Variants in CYP11A1 observed in about 807,000 individuals in gnomAD.
CYP11A1 encodes the protein cholesterol side-chain cleavage enzyme, mitochondrial.
Under a neutral mutation model 51.9 loss-of-function variants are expected in CYP11A1, and 25 were observed. That is an observed-to-expected ratio of 0.48 (90% confidence interval 0.35 to 0.67). The LOEUF is 0.67. Ranked by LOEUF, CYP11A1 falls within the 30% of genes least tolerant of loss-of-function variation. The probability of loss-of-function intolerance (pLI) is 0.00; values close to 1 mark genes in which losing one functional copy is unlikely to be tolerated. For missense variants in CYP11A1, 578 were observed against 680.9 expected (o/e 0.85, Z 1.68); for synonymous variants, 245 against 262.1 (o/e 0.93, Z 0.63).
rs1291896377 is a variant in CYP11A1 at position 74,345,473 on chromosome 15, C to T, written c.426-230G>A. Among the ~76,000 whole-genome samples, 2 of 152,172 alleles carry T rather than the reference C, an allele frequency of 1.3e-5. No homozygotes were observed. Among genetic ancestry groups the T allele is most frequent in the Non-Finnish European group, 2.9e-5 (2 of 68,026 alleles). ...AAAAAGAGAGTGAAGGGGAACAAAA[C>T]TCCAACTCCCCTCCACTCCCTCTGC... On this transcript the variant is annotated intron_variant, in intron 2 of 8. Coordinates refer to ENST00000268053, the MANE Select transcript of CYP11A1 (RefSeq NM_000781.3). This position sits in a 1 kb window ranked among gnomAD's most constrained non-coding sequence, Gnocchi z 4.3.
chr15:74,348,273 G>C (rs746794567), intron 1 of CYP11A1: 2 of 583,410 alleles, frequency 3.4e-6, no homozygotes, highest in Non-Finnish European at 6.1e-6. Context: ...GGAAGTATAT[G>C]GATGTGACCT....
chr15:74,343,786 C>T lies in CYP11A1; in HGVS notation c.829+3G>A. The T allele has an allele frequency of 6.2e-7, 1 of 1,611,924 alleles. No individual in the cohort carries two copies. The highest frequency in any genetic ancestry group is 1.1e-5 in the South Asian group (1 of 90,998). On this transcript the variant is annotated splice_donor_region_variant and intron_variant, in intron 4 of 8. Coordinates refer to ENST00000268053, the MANE Select transcript of CYP11A1 (RefSeq NM_000781.3). ...AGGAGAGCACAGCCAGAGAAGCCCT[C>T]ACCTTTACTGAAAATCACGTCCCAT...
At chr15:74,344,843 G>A in intron 3 of CYP11A1, 1 of 646,142 alleles carries the variant, frequency 1.5e-6, no homozygotes. Flanking sequence ...GAGAACCCCA[G>A]AGCAAGGGGT....
At position 74,343,879 on chromosome 15, in the gene CYP11A1, T is replaced by C. The variant is rs2060620210; in HGVS notation, c.739A>G (p.Met247Val). 6.2e-7 allele frequency: 1 copy of C among 1,614,012 alleles called. No individual in the cohort carries two copies. Among genetic ancestry groups the C allele is most frequent in the Non-Finnish European group, 8.5e-7 (1 of 1,180,032 alleles). The part of the protein sequence containing the change: ...IYQMFHTSVP[M>V]LNLPPDLFRL... ...AACAGGTCTGGGGGAAGGTTGAGCA[T>C]GGGGACGCTGGTGTGGAACATCTGG... Residue 247 changes from methionine to valine, a missense_variant, in exon 4 of 9, where the codon ATG (methionine) becomes GTG (valine). By Grantham distance (21) the Met-to-Val change is conservative. Coordinates refer to ENST00000268053, the MANE Select transcript of CYP11A1 (RefSeq NM_000781.3).
chr15:74,361,515 T>G (rs2060708669), intron 1 of CYP11A1: 2 of 593,074 alleles, frequency 3.4e-6, no homozygotes, highest in African/African-American at 3.7e-5. Flanking sequence ...GCTTTGCAGA[T>G]GCCGTCACTG....
chr15:74,346,046 G>A (rs2060631226), intron 2 of CYP11A1, among the ~76,000 whole-genome samples: 1 of 152,096 alleles, frequency 6.6e-6, no homozygotes, highest in Admixed American at 6.5e-5. Flanking sequence ...ATATACTAGT[G>A]TTTAACTTCT....
chr15:74,339,818 T>C (rs2060598369), intron 5 of CYP11A1, 65 bp from the exon 6 acceptor site: 5 of 1,500,554 alleles, frequency 3.3e-6, no homozygotes, highest in Non-Finnish European at 4.6e-6. Flanking sequence ...CTTGAGGTCC[T>C]TGACCCCATG....
At chr15:74,343,554 A>G (rs1337371948) in intron 4 of CYP11A1, among the ~76,000 whole-genome samples, 3 of 152,200 alleles carry the variant, frequency 2.0e-5, no homozygotes, top group Admixed American at 2.0e-4. Context: ...GCTCCTTTGA[A>G]GAAGATCACA....
At chr15:74,342,360 G>A (rs1366439620) in intron 5 of CYP11A1, among the ~76,000 whole-genome samples, 1 of 152,166 alleles carries the variant, frequency 6.6e-6, no homozygotes, top group Non-Finnish European at 1.5e-5. Flanking sequence ...GGGATTACAG[G>A]CATGAGCCAC....
chr15:74,361,835 TG>T, intron 1 of CYP11A1: 1 of 1,162,220 alleles, frequency 8.6e-7, no homozygotes, highest in Non-Finnish European at 1.3e-6. Context: ...ATACACGTCC[TG>T]GCATCTTGTC....
chr15:74,361,926 A>G, intron 1 of CYP11A1: 1 of 1,134,400 alleles, frequency 8.8e-7, no homozygotes, highest in South Asian at 1.2e-5. Flanking sequence ...GATGGCAAGC[A>G]TGTGGTCTTT....
chr15:74,357,718 C>T (rs148940792), intron 1 of CYP11A1, among the ~76,000 whole-genome samples: 22 of 152,336 alleles, frequency 1.4e-4, no homozygotes, highest in South Asian at 1.2e-3. Flanking sequence ...GCCAGGACCG[C>T]GCCCGGCAGC....
chr15:74,347,936 T>TG lies in CYP11A1; in HGVS notation c.388dup (p.His130ProfsTer71), dbSNP rs1217014229. ...TCCTATGGGTCTCTGGTAATACTGG[T>TG]GATAGGCGACCCAGGGCGGGATGAG... On this transcript the variant is annotated frameshift_variant, in exon 2 of 9. Transcript: ENST00000268053. LOFTEE classifies it high-confidence loss of function. 1 of 1,614,132 alleles carries TG rather than the reference T, an allele frequency of 6.2e-7. No homozygotes were observed.
intron 1 of CYP11A1, chr15:74,359,720 T>C (rs2141244674): frequency 6.6e-6 from 1 of 152,324 alleles, no homozygotes; most frequent in Middle Eastern, 3.4e-3. Context: ...TGCACCCAGG[T>C]GATTAAAAAG....
At position 74,343,886 on chromosome 15, in the gene CYP11A1, G is replaced by A. The variant is rs550237890; in HGVS notation, c.732C>T (p.Ser244=). 13 of 1,613,980 alleles carry A rather than the reference G, an allele frequency of 8.1e-6. No individual in the cohort carries two copies. Among genetic ancestry groups the A allele is most frequent in the East Asian group, 4.5e-5 (2 of 44,880 alleles). The part of the protein sequence containing the change: ...IDAIYQMFHT[S]VPMLNLPPDL... ...CTGGGGGAAGGTTGAGCATGGGGAC[G>A]CTGGTGTGGAACATCTGGTAGATGG... The change falls in exon 4 of 9, where the codon AGC becomes AGT. Residue 244 remains serine, a synonymous_variant. Coordinates refer to ENST00000268053, the MANE Select transcript of CYP11A1 (RefSeq NM_000781.3).
chr15:74,344,072 C>T, intron 3 of CYP11A1, 80 bp from the exon 4 acceptor site: 1 of 1,126,018 alleles, frequency 8.9e-7, no homozygotes, highest in Non-Finnish European at 1.3e-6. Context: ...CTCCTCCACC[C>T]TCACCTCCCT....
Position 74,339,654 on chromosome 15 carries a change from G to T in CYP11A1, c.1090C>A (p.Gln364Lys), listed in dbSNP as rs761169054. 1.9e-6 allele frequency: 3 copies of T among 1,614,088 alleles called. No homozygotes were observed. The highest frequency in any genetic ancestry group is 2.5e-6 in the Non-Finnish European group (3 of 1,180,006). The change falls in exon 6 of 9, where the codon CAG (glutamine) becomes AAG (lysine). Residue 364 changes from glutamine to lysine, a missense_variant. Physicochemically the swap from Gln to Lys is moderately conservative, Grantham distance 53. Transcript: ENST00000268053. Reference sequence around the variant, plus strand: ...TGTAGCATCGTGGCCATGTCTCCCTGGGCCTGGTGCCGCGCAGCCAAGACC... The same window carrying T: ...TGTAGCATCGTGGCCATGTCTCCCTTGGCCTGGTGCCGCGCAGCCAAGACC... ...AEVLAARHQAQGDMATMLQLV... is the reference protein window; with the variant it reads ...AEVLAARHQAKGDMATMLQLV...
At position 74,339,636 on chromosome 15, in the gene CYP11A1, T is replaced by A; in HGVS notation, c.1108A>T (p.Met370Leu). ...TTGAGGAGGGGGACCAGCTGTAGCA[T>A]CGTGGCCATGTCTCCCTGGGCCTGG... is the stretch of plus-strand genomic sequence containing the variant. The part of the protein sequence containing the change: ...RHQAQGDMAT[M>L]LQLVPLLKAS... The change falls in exon 6 of 9, where the codon ATG (methionine) becomes TTG (leucine). Residue 370 changes from methionine to leucine, a missense_variant. Coordinates refer to ENST00000268053, the MANE Select transcript of CYP11A1 (RefSeq NM_000781.3). 6.2e-7 allele frequency: 1 copy of A among 1,614,160 alleles called. No individual in the cohort carries two copies. Among genetic ancestry groups the A allele is most frequent in the South Asian group, 1.1e-5 (1 of 91,080 alleles).
intron 2 of CYP11A1, among the ~76,000 whole-genome samples, chr15:74,346,514 T>C (rs759899263): frequency 6.6e-6 from 1 of 152,150 alleles, no homozygotes; most frequent in African/African-American, 2.4e-5. Flanking sequence ...CACTCACTTA[T>C]AATCCTATTG....
Sources: allele counts gnomAD v4.1 joint callset (sites outside exome capture counted in the v4.1 genomes callset), GRCh38; gene constraint gnomAD v4.1.1; non-coding constraint Gnocchi (gnomAD v3.1); transcripts MANE v1.5; gene names NCBI Gene and HGNC (gene_info 2026-07-23, HGNC 2026-07-21).